BNIP3: variants seen among roughly 807,000 people sequenced by gnomAD.
BNIP3 encodes the protein BCL2/adenovirus E1B 19 kDa protein-interacting protein 3.
A neutral mutation model predicts 23.9 loss-of-function variants in BNIP3; 16 were observed. That is an observed-to-expected ratio of 0.67 (90% CI 0.45 to 1.01). The LOEUF is 1.01. Ranked by LOEUF, BNIP3 falls within the 50% of genes least tolerant of loss-of-function variation. The probability of loss-of-function intolerance (pLI) is 0.00; values close to 1 mark genes in which losing one functional copy is unlikely to be tolerated. For missense variants in BNIP3, 198 were observed against 248.7 expected (o/e 0.80, Z 1.37); for synonymous variants, 81 against 89.3 (o/e 0.91, Z 0.53).
chr10:131,972,728 C>G (rs2037045791), intron 3 of BNIP3, among the ~76,000 whole-genome samples: 1 of 152,224 alleles, frequency 6.6e-6, no homozygotes, highest in Non-Finnish European at 1.5e-5. Context: ...CTCTAGGCTG[C>G]AGCCACCAGG....
rs1269258369 is a variant in BNIP3 at position 131,967,851 on chromosome 10, GGT to G, written c.*671_*672del. ...GATAAAGAGGAAAAGATACTGAGTAGGTGCCTTCAGCAGAAAACTGATCATCC... is the reference window on the plus strand; with the variant it reads ...GATAAAGAGGAAAAGATACTGAGTAGGCCTTCAGCAGAAAACTGATCATCC... On this transcript the variant is annotated 3_prime_UTR_variant, in exon 6 of 6. Coordinates refer to ENST00000368636, the MANE Select transcript of BNIP3 (RefSeq NM_004052.4). 1 of 152,240 alleles carries G rather than the reference GGT, an allele frequency of 6.6e-6. No individual in the cohort carries two copies. Among genetic ancestry groups the G allele is most frequent in the African/African-American group, 2.4e-5 (1 of 41,446 alleles). The allele number at this position is 152,240 out of a possible 1,614,324, so 9.4% of individuals were successfully genotyped here. A position where few individuals can be genotyped will look rare whatever the true frequency, so the allele number is the denominator to read the frequency against.
At chr10:131,974,999 G>A (rs560483872) in intron 1 of BNIP3, among the ~76,000 whole-genome samples, 4 of 152,226 alleles carry the variant, frequency 2.6e-5, no homozygotes, top group African/African-American at 4.8e-5. Flanking sequence ...ACTTTCCCTC[G>A]GTAGCTTGTT....
Position 131,968,077 on chromosome 10 carries a change from G to A in BNIP3, c.*447C>T, listed in dbSNP as rs1488321320. ...ATTAAATAATACTTTCTACAATAGT[G>A]TGATATATAAGGCCACAATATTTAT... On this transcript the variant is annotated 3_prime_UTR_variant, in exon 6 of 6. Coordinates refer to ENST00000368636, the MANE Select transcript of BNIP3 (RefSeq NM_004052.4). 1.3e-5 allele frequency: 2 copies of A among 155,780 alleles called. No homozygotes were observed. Among genetic ancestry groups the A allele is most frequent in the Admixed American group, 1.3e-4 (2 of 16,000 alleles). The allele number at this position is 155,780 out of a possible 1,614,324, so 9.6% of individuals were successfully genotyped here. A position where few individuals can be genotyped will look rare whatever the true frequency, so the allele number is the denominator to read the frequency against.
At chr10:131,977,530 C>G (rs11146417) in intron 1 of BNIP3, among the ~76,000 whole-genome samples, 40,953 of 152,058 alleles carry the variant, frequency 0.27, 5,604 homozygotes, top group East Asian at 0.45. Context: ...CCAAGATCCA[C>G]GCACCAACAT....
At position 131,973,908 on chromosome 10, in the gene BNIP3, T is replaced by C; in HGVS notation, c.82A>G (p.Asn28Asp). 6.2e-7 allele frequency: 1 copy of C among 1,613,810 alleles called. No homozygotes were observed. Among genetic ancestry groups the C allele is most frequent in the South Asian group, 1.1e-5 (1 of 91,060 alleles). Residue 28 changes from asparagine to aspartate, a missense_variant, in exon 2 of 6, where the codon AAC (asparagine) becomes GAC (aspartate). By Grantham distance (23) the Asn-to-Asp change is conservative. Coordinates refer to ENST00000368636, the MANE Select transcript of BNIP3 (RefSeq NM_004052.4). ...WVELHFSNNG[N>D]GGSVPASVSI... ...ACCGAGGCTGGAACGCTGCCCCCGT[T>C]CCCATTATTGCTGAAGTGCAGTTCT...
chr10:131,978,309 T>C (rs2037094993), intron 1 of BNIP3, among the ~76,000 whole-genome samples: 1 of 151,574 alleles, frequency 6.6e-6, no homozygotes, highest in Non-Finnish European at 1.5e-5. Flanking sequence ...AAAAGAAAAC[T>C]GATAGGTCTG....
chr10:131,974,221 A>G (rs45546034), intron 1 of BNIP3, among the ~76,000 whole-genome samples: 2,915 of 152,350 alleles, frequency 0.019, 96 homozygotes, highest in African/African-American at 0.064. Context: ...CCAATGTCCA[A>G]TAACTCTGCT....
At chr10:131,981,296 T>C (rs1316004446) in intron 1 of BNIP3, 2 of 172,822 alleles carry the variant, frequency 1.2e-5, no homozygotes, top group African/African-American at 4.7e-5. Context: ...ACAGTCACCA[T>C]GGATATAAAC....
At position 131,971,154 on chromosome 10, in the gene BNIP3, C is replaced by T; in HGVS notation, c.283-184G>A. 4 of 607,416 alleles carry T rather than the reference C, an allele frequency of 6.6e-6. No homozygotes were observed. In the South Asian group the frequency reaches 7.8e-5, roughly 12 times the overall value. The allele number at this position is 607,416 out of a possible 1,614,324, so 37.6% of individuals were successfully genotyped here. ...GGGGCCTTCCCCGGGCCGCGCCGCA[C>T]TCCCGGCTCACAGCACGCTCGCCGC... On this transcript the variant is annotated intron_variant, in intron 3 of 5. Transcript: ENST00000368636.
chr10:131,979,953 T>G (rs920332927), intron 1 of BNIP3, among the ~76,000 whole-genome samples: 34 of 152,168 alleles, frequency 2.2e-4, no homozygotes, highest in African/African-American at 8.2e-4. Flanking sequence ...CGTCCCGGAT[T>G]TGCAGGCAGC....
intron 1 of BNIP3, among the ~76,000 whole-genome samples, chr10:131,978,827 C>T (rs564697992): frequency 6.6e-5 from 10 of 152,310 alleles, no homozygotes; most frequent in Admixed American, 2.6e-4. Flanking sequence ...TGTGAACCCC[C>T]GAGGGAACTA....
intron 1 of BNIP3, among the ~76,000 whole-genome samples, chr10:131,974,279 A>G (rs1318559333): frequency 2.6e-5 from 4 of 152,264 alleles, no homozygotes; most frequent in African/African-American, 9.6e-5. Flanking sequence ...GAGCTTTTAT[A>G]AGAAAAAGGC....
intron 2 of BNIP3, 51 bp from the exon 3 acceptor site, chr10:131,973,169 A>G: frequency 1.3e-6 from 2 of 1,581,230 alleles, no homozygotes; most frequent in Non-Finnish European, 1.7e-6. Context: ...TGAACATTCT[A>G]TCATTAGAAG....
rs147323701 is a variant in BNIP3 at position 131,971,317 on chromosome 10, G to A, written c.283-347C>T. The A allele has an allele frequency of 1.5e-4, 46 of 303,316 alleles. 1 individual carries two copies. In the East Asian group the frequency reaches 2.3e-3, roughly 15 times the overall value. 18.8% of individuals were successfully genotyped at this position (303,316 alleles called of 1,614,324 possible). Reference sequence around the variant, plus strand: ...GTGACATGAGGGCAAAGATGGTGACGGCAGCACTGGTTATAAGAAAAGAAA... The same window carrying A: ...GTGACATGAGGGCAAAGATGGTGACAGCAGCACTGGTTATAAGAAAAGAAA... On this transcript the variant is annotated intron_variant, in intron 3 of 5. Transcript: ENST00000368636.
intron 5 of BNIP3, 62 bp from the exon 6 acceptor site, chr10:131,968,631 C>G: frequency 6.9e-7 from 1 of 1,448,980 alleles, no homozygotes; most frequent in Non-Finnish European, 9.7e-7. Context: ...TGTGTTACAG[C>G]TGAAACAGGG....
rs1484287375 is a variant in BNIP3 at position 131,976,193 on chromosome 10, AT to A, written c.47-2251del. The stretch of plus-strand genomic sequence containing the variant: ...GTATTCAGATTCTGGGCCTGCTTCA[AT>A]TTACTTGACTAAAGTGTTGTTCAGC... On this transcript the variant is annotated intron_variant, in intron 1 of 5. Transcript: ENST00000368636. This position sits in a 1 kb window ranked among gnomAD's most constrained non-coding sequence, Gnocchi z 4.3. Among the ~76,000 whole-genome samples, 1 of 152,188 alleles carries A rather than the reference AT, an allele frequency of 6.6e-6. No homozygotes were observed. Among genetic ancestry groups the A allele is most frequent in the Non-Finnish European group, 1.5e-5 (1 of 68,028 alleles).
At chr10:131,974,002 C>G in intron 1 of BNIP3, 59 bp from the exon 2 acceptor site, 1 of 1,599,594 alleles carries the variant, frequency 6.3e-7, no homozygotes, top group Non-Finnish European at 8.5e-7. Flanking sequence ...GGAATCTGCT[C>G]TTGATATCTA....
chr10:131,973,486 G>A (rs2037057273), intron 2 of BNIP3: 2 of 473,608 alleles, frequency 4.2e-6, no homozygotes, highest in South Asian at 2.8e-5. Context: ...ACCAGGGACC[G>A]CTCCTCCTGC....
intron 3 of BNIP3, 134 bp from the exon 4 acceptor site, chr10:131,971,104 T>C: frequency 2.5e-6 from 2 of 813,784 alleles, no homozygotes; most frequent in Non-Finnish European, 2.0e-6. Context: ...CCTCGGACCG[T>C]GGTCCAAGGG....
Sources: gnomAD v4.1 joint callset for allele counts (sites outside exome capture counted in the v4.1 genomes callset) on GRCh38, gnomAD v4.1.1 for gene constraint, Gnocchi (gnomAD v3.1) non-coding constraint, MANE v1.5 for transcripts, NCBI Gene and HGNC (gene_info 2026-07-23, HGNC 2026-07-21) for gene names.